The following DLG1 variants were observed in gnomAD, a reference collection of about 807,000 sequenced individuals.
The protein encoded by DLG1 is disks large homolog 1.
Under a neutral mutation model 123.4 loss-of-function variants are expected in DLG1, and 42 were observed. The observed-to-expected ratio is 0.34, with a 90% CI of 0.27 to 0.44. The LOEUF is 0.44. Ranked by LOEUF, DLG1 falls within the 20% of genes least tolerant of loss-of-function variation. DLG1 has a pLI of 1.00. For synonymous variants in DLG1, 317 were observed against 356.2 expected (o/e 0.89, Z 1.24); for missense variants, 942 against 1,082.6 (o/e 0.87, Z 1.82).
intron 4 of DLG1, among the ~76,000 whole-genome samples, chr3:197,213,606 C>G (rs1305480859): frequency 1.3e-5 from 2 of 152,158 alleles, no homozygotes; most frequent in South Asian, 2.1e-4. Context: ...ATTTGTAAAT[C>G]TGTTAGAAAA....
intron 8 of DLG1, among the ~76,000 whole-genome samples, chr3:197,138,780 C>T (rs1339140653): frequency 6.6e-6 from 1 of 152,080 alleles, no homozygotes; most frequent in Non-Finnish European, 1.5e-5. Context: ...ACCCTCATGA[C>T]ACCTGTAAGC....
intron 3 of DLG1, among the ~76,000 whole-genome samples, chr3:197,291,253 A>T (rs1774713961): frequency 6.6e-6 from 1 of 151,432 alleles, no homozygotes; most frequent in Non-Finnish European, 1.5e-5. Flanking sequence ...TCAGCCAACG[A>T]TGTGATCCAT....
intron 4 of DLG1, among the ~76,000 whole-genome samples, chr3:197,247,443 G>A (rs1170499723): frequency 6.6e-6 from 1 of 152,074 alleles, no homozygotes; most frequent in Non-Finnish European, 1.5e-5. Flanking sequence ...CCTTTCAGAG[G>A]AGCTGGTTTC....
chr3:197,137,718 C>T (rs1418345493), intron 9 of DLG1, among the ~76,000 whole-genome samples: 1 of 151,990 alleles, frequency 6.6e-6, no homozygotes, highest in Non-Finnish European at 1.5e-5. Context: ...ACTTGTAATA[C>T]CAGCACTCTG....
intron 5 of DLG1, among the ~76,000 whole-genome samples, chr3:197,174,635 C>T (rs1806048183): frequency 6.6e-6 from 1 of 152,086 alleles, no homozygotes. Context: ...TTCTTTCTAT[C>T]TTACAAAATA....
At chr3:197,047,298 G>GA (rs548508999) in intron 24 of DLG1, among the ~76,000 whole-genome samples, 361 of 152,134 alleles carry the variant, frequency 2.4e-3, no homozygotes, top group Non-Finnish European at 3.9e-3. Context: ...AAGTGTATCA[G>GA]AAAAAAACCT....
chr3:197,154,795 C>T (rs1795621856), intron 5 of DLG1, among the ~76,000 whole-genome samples: 3 of 151,838 alleles, frequency 2.0e-5, no homozygotes, highest in African/African-American at 7.3e-5. Flanking sequence ...AGTACAATAA[C>T]AGAAAATTCA....
At chr3:197,190,699 T>C (rs901430624) in intron 5 of DLG1, among the ~76,000 whole-genome samples, 3 of 152,116 alleles carry the variant, frequency 2.0e-5, no homozygotes, top group Admixed American at 6.5e-5. Flanking sequence ...AAGAATCATA[T>C]ACGGAGATGG....
intron 5 of DLG1, among the ~76,000 whole-genome samples, chr3:197,171,487 A>C (rs61653080): frequency 0.016 from 2,428 of 152,320 alleles, 68 homozygotes; most frequent in African/African-American, 0.054. Context: ...CAAATCACTA[A>C]GGGTATTAAA....
intron 4 of DLG1, among the ~76,000 whole-genome samples, chr3:197,205,812 A>T (rs1728226418): frequency 6.6e-6 from 1 of 152,204 alleles, no homozygotes; most frequent in Admixed American, 6.5e-5. Flanking sequence ...GGCTCTACAG[A>T]AGAATCTCTT....
At chr3:197,162,588 TA>T (rs1799243460) in intron 5 of DLG1, among the ~76,000 whole-genome samples, 1 of 152,152 alleles carries the variant, frequency 6.6e-6, no homozygotes, top group South Asian at 2.1e-4. Context: ...CCTACCAAAT[TA>T]GTCAAATTAA....
At position 197,042,892 on chromosome 3, in the gene DLG1, T is replaced by C. The variant is rs994338987; in HGVS notation, c.*1731A>G. On this transcript the variant is annotated 3_prime_UTR_variant, in exon 25 of 25. Coordinates refer to ENST00000667157, the MANE Select transcript of DLG1 (RefSeq NM_001366207.1). ...AGAAAATGTTAGCTTGCAAAATATA[T>C]TTTTTCTTTCAAAATTCAAGACACA... is the stretch of plus-strand genomic sequence containing the variant. 5 of 10,152 alleles carry C rather than the reference T, an allele frequency of 4.9e-4. No homozygotes were observed. The highest frequency in any genetic ancestry group is 1.9e-3 in the African/African-American group (5 of 2,648). 0.6% of individuals were successfully genotyped at this position (10,152 alleles called of 1,614,324 possible).
chr3:197,196,416 A>C, intron 4 of DLG1, among the ~76,000 whole-genome samples: 1 of 152,208 alleles, frequency 6.6e-6, no homozygotes, highest in Admixed American at 6.5e-5. Context: ...TTTATCCTGT[A>C]ATCAAGGCTG....
chr3:197,101,210 TGTGTAACTA>T (rs759939779), intron 14 of DLG1, among the ~76,000 whole-genome samples: 6 of 152,218 alleles, frequency 3.9e-5, no homozygotes, highest in Non-Finnish European at 8.8e-5. Context: ...GTTTAACAGT[TGTGTAACTA>T]GCAAATTACT....
At chr3:197,105,079 G>A (rs1015802673) in intron 13 of DLG1, 74 bp from the exon 14 acceptor site, 2 of 912,884 alleles carry the variant, frequency 2.2e-6, no homozygotes, top group East Asian at 5.4e-5. Context: ...TCTATTCTTT[G>A]AGTAAGCATG....
At chr3:197,283,763 T>C (rs1770470474) in intron 3 of DLG1, among the ~76,000 whole-genome samples, 1 of 152,054 alleles carries the variant, frequency 6.6e-6, no homozygotes, top group Non-Finnish European at 1.5e-5. Flanking sequence ...CAGAATAACT[T>C]AGACTTCTTG....
intron 8 of DLG1, among the ~76,000 whole-genome samples, chr3:197,139,809 G>C (rs948295727): frequency 6.6e-6 from 1 of 152,126 alleles, no homozygotes; most frequent in Non-Finnish European, 1.5e-5. Context: ...CCCAGCCAGA[G>C]AGGAAATGGA....
chr3:197,109,934 G>A (rs55775850), intron 13 of DLG1, among the ~76,000 whole-genome samples: 19,515 of 152,066 alleles, frequency 0.13, 1,472 homozygotes, highest in South Asian at 0.33. Context: ...TTCTGCCTTC[G>A]GCTTTAGACA....
At position 197,065,741 on chromosome 3, in the gene DLG1, C is replaced by T; in HGVS notation, c.2167G>A (p.Glu723Lys). 6.2e-7 allele frequency: 1 copy of T among 1,612,276 alleles called. No individual in the cohort carries two copies. Among genetic ancestry groups the T allele is most frequent in the South Asian group, 1.1e-5 (1 of 90,796 alleles). ...KDRINDDLIS[E>K]FPDKFGSCVP... ...CAGGATCCAAATTTGTCAGGAAATT[C>T]TGAGATCAAGTCATCATTTATCCTG... The change falls in exon 21 of 25, where the codon GAA (glutamate) becomes AAA (lysine). Residue 723 changes from glutamate (E) to lysine (K), a missense_variant. By Grantham distance (56) the Glu-to-Lys change is moderately conservative. Coordinates refer to ENST00000667157, the MANE Select transcript of DLG1 (RefSeq NM_001366207.1).
Sources: gnomAD v4.1 joint callset for allele counts (sites outside exome capture counted in the v4.1 genomes callset) on GRCh38, gnomAD v4.1.1 for gene constraint, MANE v1.5 for transcripts, NCBI Gene and HGNC (gene_info 2026-07-23, HGNC 2026-07-21) for gene names.